TECPR2: variants seen among roughly 807,000 people sequenced by gnomAD.
The protein encoded by TECPR2 is tectonin beta-propeller repeat containing 2, also known as tectonin beta-propeller repeat-containing protein 2.
A neutral mutation model predicts 138.1 loss-of-function variants in TECPR2; 65 were observed. The observed-to-expected ratio is 0.47, with a 90% confidence interval of 0.39 to 0.58. TECPR2 has a LOEUF of 0.58. TECPR2 is among the 20% of genes least tolerant of loss of function. The pLI, the probability that TECPR2 is intolerant of heterozygous loss-of-function variation, is 0.00. For synonymous variants in TECPR2, 746 were observed against 749.8 expected, an observed-to-expected ratio of 0.99 and a Z score of 0.08; for missense variants, 1,553 against 1,824.5, an observed-to-expected ratio of 0.85 and a Z score of 2.71.
chr14:102,448,142 G>A (rs1567346283), intron 13 of TECPR2, among the ~76,000 whole-genome samples: 1 of 151,686 alleles, frequency 6.6e-6, no homozygotes, highest in East Asian at 2.0e-4. Flanking sequence ...ATGTATTTTT[G>A]TAGAGACAGG....
rs752849808 is a variant in TECPR2, at chr14:102,499,146, A to G, written c.*889A>G. 5.7e-6 allele frequency: 4 copies of G among 703,010 alleles called. No homozygotes were observed. The South Asian group carries it at 5.9e-5, about 10-fold the overall frequency. The allele number at this position is 703,010 out of a possible 1,614,324, so 43.5% of individuals were successfully genotyped here. A position where few individuals can be genotyped will look rare whatever the true frequency, so the allele number is the denominator to read the frequency against. Reference sequence around the variant, plus strand: ...CCTGATGGGTGCAAATGGAACCTGGATGTGTGCACGTGTGTCCCAGGTAGG... The same window carrying G: ...CCTGATGGGTGCAAATGGAACCTGGGTGTGTGCACGTGTGTCCCAGGTAGG... On this transcript the variant is annotated 3_prime_UTR_variant, in exon 20 of 20. Transcript: ENST00000359520.
intron 1 of TECPR2, among the ~76,000 whole-genome samples, chr14:102,375,283 C>T (rs1295785385): frequency 6.6e-6 from 1 of 151,962 alleles, no homozygotes; most frequent in South Asian, 2.1e-4. Flanking sequence ...GAGTTTGAGG[C>T]GTCAGTGAGT....
chr14:102,496,271 G>T (rs914147566), intron 17 of TECPR2, among the ~76,000 whole-genome samples: 4 of 152,204 alleles, frequency 2.6e-5, no homozygotes, highest in African/African-American at 9.6e-5. Context: ...GTGACCAGAG[G>T]CCCAGATCCT....
intron 17 of TECPR2, among the ~76,000 whole-genome samples, chr14:102,480,798 G>T (rs1372930186): frequency 6.6e-6 from 1 of 151,120 alleles, no homozygotes; most frequent in Non-Finnish European, 1.5e-5. Flanking sequence ...GGGATTGCGG[G>T]CGTGTGCCAC....
intron 2 of TECPR2, among the ~76,000 whole-genome samples, chr14:102,399,653 A>G (rs892183177): frequency 1.3e-5 from 2 of 152,046 alleles, no homozygotes; most frequent in African/African-American, 4.8e-5. Flanking sequence ...ACATGGTGAA[A>G]CCCCATCTCT....
chr14:102,502,329 GA>G lies in TECPR2; in HGVS notation c.*4073del, dbSNP rs1319511665. 6.6e-6 allele frequency: 1 copy of G among 152,670 alleles called. No individual in the cohort carries two copies. The highest frequency in any genetic ancestry group is 1.9e-4 in the East Asian group (1 of 5,204). 9.5% of individuals were successfully genotyped at this position (152,670 alleles called of 1,614,324 possible). ...TTTTCATAACTCCGGGGAGGAGCAA[GA>G]GGGGTGAAAAGAAACAAGTTCTCTA... On this transcript the variant is annotated 3_prime_UTR_variant, in exon 20 of 20. Transcript: ENST00000359520.
chr14:102,446,683 C>G (rs760910626), intron 13 of TECPR2, among the ~76,000 whole-genome samples: 33 of 152,114 alleles, frequency 2.2e-4, no homozygotes, highest in Non-Finnish European at 4.4e-5. Flanking sequence ...AGCCACCACT[C>G]CCAGCCAATA....
chr14:102,442,293 G>T (rs1280498593), intron 11 of TECPR2, among the ~76,000 whole-genome samples: 2 of 152,214 alleles, frequency 1.3e-5, no homozygotes, highest in Admixed American at 6.5e-5. Context: ...TTTAATCACT[G>T]CTGTGAGTCG....
chr14:102,465,513 G>A lies in TECPR2; in HGVS notation c.3789+224G>A, dbSNP rs147975272. 2,962 of 1,248,066 alleles carry A rather than the reference G, an allele frequency of 2.4e-3. 4 individuals are homozygous for A. The highest frequency in any genetic ancestry group is 2.7e-3 in the Non-Finnish European group (2,723 of 998,040). 77.3% of individuals were successfully genotyped at this position (1,248,066 alleles called of 1,614,324 possible). A position where few individuals can be genotyped will look rare whatever the true frequency, so the allele number is the denominator to read the frequency against. On this transcript the variant is annotated intron_variant, in intron 17 of 19. Transcript: ENST00000359520. ...ACTGTTACAGATTATGAGTCAACAC[G>A]TATATTTTCTCTTTCAAAATAATAA...
chr14:102,449,658 C>G lies in TECPR2; in HGVS notation c.3105C>G (p.Asp1035Glu). 2 of 1,614,202 alleles carry G rather than the reference C, an allele frequency of 1.2e-6. No homozygotes were observed. Among genetic ancestry groups the G allele is most frequent in the Non-Finnish European group, 1.7e-6 (2 of 1,180,042 alleles). The change falls in exon 14 of 20, where the codon GAC becomes GAG. Residue 1035 changes from aspartate to glutamate, a missense_variant. Physicochemically the swap from Asp to Glu is conservative, Grantham distance 45 (BLOSUM62 2). Transcript: ENST00000359520. ...GCATCACGGACTATGTGGTGTTTGA[C>G]CAGTGCAGCTTATTTCAGACGATAA... The part of the protein sequence containing the change: ...QVSITDYVVF[D>E]QCSLFQTIIH...
chr14:102,446,050 A>C (rs900254003), intron 13 of TECPR2, 103 bp downstream of exon 13: 1 of 1,304,572 alleles, frequency 7.7e-7, no homozygotes, highest in Non-Finnish European at 1.0e-6. Flanking sequence ...TTAAATTTAA[A>C]ATACTCACTT....
chr14:102,459,602 T>C (rs985797309), intron 16 of TECPR2, among the ~76,000 whole-genome samples: 13 of 152,094 alleles, frequency 8.5e-5, no homozygotes, highest in African/African-American at 3.1e-4. Flanking sequence ...AAACCCCGTC[T>C]CTACTAAAAA....
intron 4 of TECPR2, among the ~76,000 whole-genome samples, chr14:102,414,406 G>A (rs1038894434): frequency 6.6e-6 from 1 of 152,206 alleles, no homozygotes; most frequent in African/African-American, 2.4e-5. Flanking sequence ...AATGTTTCCT[G>A]TCAAACTGGA....
chr14:102,395,917 C>T (rs938155090), intron 2 of TECPR2, among the ~76,000 whole-genome samples: 1 of 152,268 alleles, frequency 6.6e-6, no homozygotes, highest in South Asian at 2.1e-4. Context: ...GACGCATCAT[C>T]TTATAACCCT....
rs1315516626 is a variant in TECPR2 at position 102,401,902 on chromosome 14, AG to A, written c.220-5433del. ...ATATTCCATGCAAATAGTAATGAAA[AG>A]GGATCGGGGTGGCTATTCTACTATC... On this transcript the variant is annotated intron_variant, in intron 2 of 19. Transcript: ENST00000359520. 2.6e-5 allele frequency among the ~76,000 whole-genome samples: 4 copies of A among 152,134 alleles called. No individual in the cohort carries two copies. In the East Asian group the frequency reaches 7.7e-4, roughly 29 times the overall value.
In TECPR2 at chr14:102,443,184, A is replaced by C. The variant is rs1438695526; in HGVS notation, c.2753-463A>C. 6.6e-6 allele frequency among the ~76,000 whole-genome samples: 1 copy of C among 152,218 alleles called. No homozygotes were observed. The highest frequency in any genetic ancestry group is 2.4e-5 in the African/African-American group (1 of 41,458). ...TCTGCCCTGCAGCCTTTGGGCCTCC[A>C]TCTGGCCACTCTCCTGCTCTTGGCT... is the stretch of plus-strand genomic sequence containing the variant. On this transcript the variant is annotated intron_variant, in intron 11 of 19. Coordinates refer to ENST00000359520, the MANE Select transcript of TECPR2 (RefSeq NM_014844.5). The surrounding 1 kb of genome is among the most constrained non-coding windows in gnomAD (Gnocchi z 4.9).
chr14:102,438,090 G>A lies in TECPR2; in HGVS notation c.2463G>A (p.Lys821=). Residue 821 remains lysine (K), a synonymous_variant, in exon 10 of 20, where the codon AAG becomes AAA. Coordinates refer to ENST00000359520, the MANE Select transcript of TECPR2 (RefSeq NM_014844.5). ...TCCTCAGCTTGGTGGTCTCCGAGAA[G>A]TATATCTGGTGCCTGGACTACAAAG... ...YGILSLVVSE[K]YIWCLDYKGG... is the part of the protein sequence containing the mutation. 1 of 1,614,174 alleles carries A rather than the reference G, an allele frequency of 6.2e-7. No homozygotes were observed. The highest frequency in any genetic ancestry group is 8.5e-7 in the Non-Finnish European group (1 of 1,180,038).
chr14:102,367,726 A>G (rs1457161842), intron 1 of TECPR2, among the ~76,000 whole-genome samples: 1 of 152,128 alleles, frequency 6.6e-6, no homozygotes, highest in African/African-American at 2.4e-5. Context: ...TTATCTACAA[A>G]TTCTTTGTAG....
At chr14:102,395,659 A>G (rs1435717526) in intron 2 of TECPR2, among the ~76,000 whole-genome samples, 1 of 152,092 alleles carries the variant, frequency 6.6e-6, no homozygotes, top group Non-Finnish European at 1.5e-5. Context: ...TTAGCTGGGC[A>G]TGGTGGCGTC....
Sources: gnomAD v4.1 joint callset for allele counts (sites outside exome capture counted in the v4.1 genomes callset) on GRCh38, gnomAD v4.1.1 for gene constraint, Gnocchi (gnomAD v3.1) non-coding constraint, MANE v1.5 for transcripts, NCBI Gene and HGNC (gene_info 2026-07-23, HGNC 2026-07-21) for gene names.